Variants in PLEKHG2 observed in about 807,000 individuals in gnomAD.
PLEKHG2 encodes the protein pleckstrin homology domain-containing family G member 2.
In PLEKHG2, 71 loss-of-function variants were observed where a neutral mutation model predicts 104.4. The ratio of observed to expected loss-of-function variants is 0.68; its 90% CI spans 0.56 to 0.83. The LOEUF is 0.83. PLEKHG2 is among the 40% of genes least tolerant of loss of function. The pLI is 0.00. For synonymous variants in PLEKHG2, 728 were observed against 737.0 expected, an observed-to-expected ratio of 0.99 and a Z score of 0.20; for missense variants, 1,730 against 1,809.4, an observed-to-expected ratio of 0.96 and a Z score of 0.80.
chr19:39,424,671 C>A lies in PLEKHG2; in HGVS notation c.3538C>A (p.Pro1180Thr), dbSNP rs759842219. The A allele has an allele frequency of 6.2e-7, 1 of 1,614,216 alleles. No homozygotes were observed. Among genetic ancestry groups the A allele is most frequent in the East Asian group, 2.2e-5 (1 of 44,892 alleles). The change falls in exon 19 of 19, where the codon CCA becomes ACA. Residue 1180 changes from proline to threonine, a missense_variant. By Grantham distance (38) the Pro-to-Thr change is conservative (BLOSUM62 -1). Coordinates refer to ENST00000425673, the MANE Select transcript of PLEKHG2 (RefSeq NM_022835.3). ...CATCCAGGGTCCAGCGGCTGCACCT[C>A]CACTTCCGGAGCCAAGCCTTACAGA... ...PDIQGPAAAP[P>T]LPEPSLTDTQ...
Position 39,425,045 on chromosome 19 carries a change from C to T in PLEKHG2, c.3912C>T (p.Ser1304=). 1 of 1,599,358 alleles carries T rather than the reference C, an allele frequency of 6.3e-7. No individual in the cohort carries two copies. The highest frequency in any genetic ancestry group is 8.5e-7 in the Non-Finnish European group (1 of 1,173,204). ...CTGGGGGAGGGGCCCCCGCAGCCTC[C>T]CGGGGCTCCTGGTCCTCTGCTCCCA... ...QGPGGGAPAA[S]RGSWSSAPTS... The change falls in exon 19 of 19, where the codon TCC becomes TCT. Residue 1304 remains serine, a synonymous_variant. Coordinates refer to ENST00000425673, the MANE Select transcript of PLEKHG2 (RefSeq NM_022835.3).
chr19:39,424,962 C>T lies in PLEKHG2; in HGVS notation c.3829C>T (p.Leu1277Phe), dbSNP rs1385275013. 3.1e-6 allele frequency: 5 copies of T among 1,614,116 alleles called. No homozygotes were observed. The highest frequency in any genetic ancestry group is 2.2e-5 in the East Asian group (1 of 44,888). ...RQLLGPNAAA[L>F]SRYLAASYIS... is the part of the protein sequence containing the mutation. The stretch of plus-strand genomic sequence containing the variant: ...GCTCCTGGGCCCCAATGCAGCTGCC[C>T]TCTCCAGATACCTGGCAGCCTCATA... Residue 1277 changes from leucine to phenylalanine, a missense_variant, in exon 19 of 19, where the codon CTC (leucine) becomes TTC (phenylalanine). Transcript: ENST00000425673.
Position 39,423,029 on chromosome 19 carries a change from C to A in PLEKHG2, c.1975C>A (p.Leu659Ile). 6.2e-7 allele frequency: 1 copy of A among 1,614,222 alleles called. No homozygotes were observed. The highest frequency in any genetic ancestry group is 8.5e-7 in the Non-Finnish European group (1 of 1,180,038). Residue 659 changes from leucine (L) to isoleucine (I), a missense_variant, in exon 18 of 19, where the codon CTC (leucine) becomes ATC (isoleucine). Coordinates refer to ENST00000425673, the MANE Select transcript of PLEKHG2 (RefSeq NM_022835.3). ...TCCCGAAGGTTCTCGCCTTCCTAGT[C>A]TCTCTGACATTTCCGATGTTTTTGA... The part of the protein sequence containing the change: ...EIPEGSRLPS[L>I]SDISDVFEMP...
At position 39,424,570 on chromosome 19, in the gene PLEKHG2, T is replaced by C. The variant is rs1460259185; in HGVS notation, c.3437T>C (p.Leu1146Ser). ...ACTCAGGTTCCAGCTACCACACCTT[T>C]GCCCCTGCCACAAGTCCTCACAGAC... Reference protein sequence around the residue: ...PDTQVPATTPLPLPQVLTDIW... With the variant: ...PDTQVPATTPSPLPQVLTDIW... Residue 1146 changes from leucine to serine, a missense_variant, in exon 19 of 19, where the codon TTG becomes TCG. Leu to Ser is a moderately radical substitution (Grantham distance 145). Transcript: ENST00000425673. 6.2e-7 allele frequency: 1 copy of C among 1,614,100 alleles called. No homozygotes were observed.
Position 39,416,892 on chromosome 19 carries a change from A to T in PLEKHG2, c.636A>T (p.Ala212=), listed in dbSNP as rs374648694. The change falls in exon 7 of 19, where the codon GCA becomes GCT. Residue 212 remains alanine (A), a synonymous_variant. Coordinates refer to ENST00000425673, the MANE Select transcript of PLEKHG2 (RefSeq NM_022835.3). The surrounding 1 kb of genome is among the most constrained non-coding windows in gnomAD (Gnocchi z 4.5). ...LLRELSLSPP[A]ALWLQERQAQ... is the part of the protein sequence containing the mutation. ...GGGAGCTGTCGTTGTCTCCGCCAGC[A>T]GCCCTGTGGCTGCAGGAGCGCCAGG... 1.7e-4 allele frequency: 274 copies of T among 1,612,664 alleles called. 1 individual carries two copies. The Middle Eastern group carries it at 3.3e-3, about 19-fold the overall frequency.
Position 39,416,715 on chromosome 19 carries a change from C to T in PLEKHG2, c.593+118C>T. 6.8e-7 allele frequency: 1 copy of T among 1,476,000 alleles called. No individual in the cohort carries two copies. The allele number at this position is 1,476,000 out of a possible 1,614,324, so 91.4% of individuals were successfully genotyped here. On this transcript the variant is annotated intron_variant, in intron 6 of 18. Transcript: ENST00000425673. This position sits in a 1 kb window ranked among gnomAD's most constrained non-coding sequence, Gnocchi z 4.5. ...AGCACCGACCCCTGCCAGGCTGTGACAGTAACTGACCTCTCCCTCACTGCC... is the reference window on the plus strand; with the variant it reads ...AGCACCGACCCCTGCCAGGCTGTGATAGTAACTGACCTCTCCCTCACTGCC...
Position 39,422,994 on chromosome 19 carries a change from G to T in PLEKHG2, c.1940G>T (p.Arg647Leu), listed in dbSNP as rs10407035. Residue 647 changes from arginine (R) to leucine (L), a missense_variant, in exon 18 of 19, where the codon CGC becomes CTC. Coordinates refer to ENST00000425673, the MANE Select transcript of PLEKHG2 (RefSeq NM_022835.3). The part of the protein sequence containing the change: ...DVPNLPEIPS[R>L]CEIPEGSRLP... Reference sequence around the variant, plus strand: ...CCCAACCTTCCTGAAATTCCCAGCCGCTGTGAAATTCCCGAAGGTTCTCGC... The same window carrying T: ...CCCAACCTTCCTGAAATTCCCAGCCTCTGTGAAATTCCCGAAGGTTCTCGC... The T allele has an allele frequency of 1.9e-6, 3 of 1,613,940 alleles. No homozygotes were observed. The highest frequency in any genetic ancestry group is 2.2e-5 in the South Asian group (2 of 91,086).
chr19:39,419,027 G>GGA, intron 11 of PLEKHG2, 24 bp downstream of exon 11: 1 of 1,591,304 alleles, frequency 6.3e-7, no homozygotes, highest in Non-Finnish European at 8.5e-7. Flanking sequence ...CGCAGCCGGG[G>GGA]GCCCTCTGAG....
At chr19:39,418,863 C>T (rs749671844) in intron 10 of PLEKHG2, 37 bp downstream of exon 10, 1 of 1,595,876 alleles carries the variant, frequency 6.3e-7, no homozygotes, top group Non-Finnish European at 8.6e-7. Flanking sequence ...CAGGGATCCC[C>T]CAGCCTCGAG....
intron 7 of PLEKHG2, 57 bp downstream of exon 7, chr19:39,417,057 C>T (rs2078617761): frequency 2.0e-6 from 3 of 1,517,780 alleles, no homozygotes; most frequent in Admixed American, 2.1e-5. Flanking sequence ...CCCTTGACCA[C>T]CTGTTGGTTC....
Position 39,423,429 on chromosome 19 carries a change from A to G in PLEKHG2, c.2375A>G (p.Glu792Gly), listed in dbSNP as rs536460211. The G allele has an allele frequency of 2.5e-6, 4 of 1,611,030 alleles. No homozygotes were observed. The Middle Eastern group carries it at 5.0e-4, about 200-fold the overall frequency. Residue 792 changes from glutamate (E) to glycine (G), a missense_variant, in exon 18 of 19, where the codon GAG becomes GGG. Physicochemically the swap from Glu to Gly is moderately conservative, Grantham distance 98 (BLOSUM62 -2). Coordinates refer to ENST00000425673, the MANE Select transcript of PLEKHG2 (RefSeq NM_022835.3). ...TTCCCAGAGCCACTGCTGATCCTGG[A>G]GGATTCGGATCTGGGTGGAGACAGC... ...PGFPEPLLIL[E>G]DSDLGGDSGS...
intron 17 of PLEKHG2, 126 bp from the exon 18 acceptor site, chr19:39,422,606 C>T: frequency 1.6e-6 from 2 of 1,214,650 alleles, no homozygotes; most frequent in Non-Finnish European, 2.2e-6. Flanking sequence ...CCAGGCTGGT[C>T]TCGAACTCGT....
rs1402190512 is a variant in PLEKHG2 at position 39,426,670 on chromosome 19, A to G, written c.*1376A>G. 1 of 152,190 alleles carries G rather than the reference A, an allele frequency of 6.6e-6. No individual in the cohort carries two copies. Among genetic ancestry groups the G allele is most frequent in the African/African-American group, 2.4e-5 (1 of 41,444 alleles). The allele number at this position is 152,190 out of a possible 1,614,324, so 9.4% of individuals were successfully genotyped here. On this transcript the variant is annotated 3_prime_UTR_variant, in exon 19 of 19. Transcript: ENST00000425673. The stretch of plus-strand genomic sequence containing the variant: ...GTTTTCTCATCTACAAAATGAAGAC[A>G]ACAGTACTTCCCTCCTGGGATCATT...
rs780276325 is a variant in PLEKHG2, at chr19:39,423,348, C to T, written c.2294C>T (p.Ser765Leu). Residue 765 changes from serine (S) to leucine (L), a missense_variant, in exon 18 of 19, where the codon TCA becomes TTA. Coordinates refer to ENST00000425673, the MANE Select transcript of PLEKHG2 (RefSeq NM_022835.3). ...GATGAGCTGGCATTCCGCTCTTGCTCAGAAATCCGGAGCGCCTGGCAGGCA... is the reference window on the plus strand; with the variant it reads ...GATGAGCTGGCATTCCGCTCTTGCTTAGAAATCCGGAGCGCCTGGCAGGCA... The part of the protein sequence containing the change: ...FPDELAFRSC[S>L]EIRSAWQALE... 1 of 1,613,874 alleles carries T rather than the reference C, an allele frequency of 6.2e-7. No homozygotes were observed. The highest frequency in any genetic ancestry group is 8.5e-7 in the Non-Finnish European group (1 of 1,179,814).
chr19:39,418,186 T>G, intron 9 of PLEKHG2, 81 bp downstream of exon 9: 1 of 1,219,594 alleles, frequency 8.2e-7, no homozygotes, highest in Non-Finnish European at 1.1e-6. Context: ...CCCGGCAGTG[T>G]GGGCCAGGGG....
At position 39,418,812 on chromosome 19, in the gene PLEKHG2, A is replaced by G; in HGVS notation, c.1162A>G (p.Arg388Gly). 1 of 1,609,692 alleles carries G rather than the reference A, an allele frequency of 6.2e-7. No individual in the cohort carries two copies. The highest frequency in any genetic ancestry group is 8.5e-7 in the Non-Finnish European group (1 of 1,176,512). Residue 388 changes from arginine to glycine, a missense_variant, in exon 10 of 19, where the codon AGA becomes GGA. Arg to Gly is a moderately radical substitution (Grantham distance 125, BLOSUM62 -2). Coordinates refer to ENST00000425673, the MANE Select transcript of PLEKHG2 (RefSeq NM_022835.3). ...GTCTGATCTGACCATTCCCAAGCACAGACACCTGCTCCAGGTGAGCATGTA... is the reference window on the plus strand; with the variant it reads ...GTCTGATCTGACCATTCCCAAGCACGGACACCTGCTCCAGGTGAGCATGTA... ...KVSDLTIPKH[R>G]HLLQAKNQEE...
intron 8 of PLEKHG2, 36 bp from the exon 9 acceptor site, chr19:39,417,869 C>T: frequency 6.6e-7 from 1 of 1,520,642 alleles, no homozygotes; most frequent in Non-Finnish European, 8.8e-7. Flanking sequence ...CCATGCTTGT[C>T]TCTGCGCCCC....
rs999910509 is a variant in PLEKHG2 at position 39,427,717 on chromosome 19, C to G, written c.*2423C>G. On this transcript the variant is annotated 3_prime_UTR_variant, in exon 19 of 19. Transcript: ENST00000425673. ...GCACATACTATGAGCATTACAGCCG[C>G]TTTATATAAGCTCGTTCACTGTCCT... 6.6e-6 allele frequency: 1 copy of G among 152,214 alleles called. No individual in the cohort carries two copies. The highest frequency in any genetic ancestry group is 2.4e-5 in the African/African-American group (1 of 41,434). The allele number at this position is 152,214 out of a possible 1,614,324, so 9.4% of individuals were successfully genotyped here.
chr19:39,423,644 G>T lies in PLEKHG2; in HGVS notation c.2590G>T (p.Ala864Ser). Residue 864 changes from alanine (A) to serine (S), a missense_variant, in exon 18 of 19, where the codon GCA becomes TCA. By Grantham distance (99) the Ala-to-Ser change is moderately conservative. Coordinates refer to ENST00000425673, the MANE Select transcript of PLEKHG2 (RefSeq NM_022835.3). Reference sequence around the variant, plus strand: ...ATCCCCCTGTCTGCCCCAGGAGCAGGCAGAGCCAGGTGAGGTCCGGGTACG... The same window carrying T: ...ATCCCCCTGTCTGCCCCAGGAGCAGTCAGAGCCAGGTGAGGTCCGGGTACG... ...QPSPCLPQEQ[A>S]EPGLLPAFGH... 1.3e-6 allele frequency: 2 copies of T among 1,541,030 alleles called. No homozygotes were observed. The highest frequency in any genetic ancestry group is 1.7e-6 in the Non-Finnish European group (2 of 1,144,384).
Sources: allele counts gnomAD v4.1 joint callset, GRCh38; gene constraint gnomAD v4.1.1; non-coding constraint Gnocchi (gnomAD v3.1); transcripts MANE v1.5; gene names NCBI Gene and HGNC (gene_info 2026-07-23, HGNC 2026-07-21).